The following COL4A3 variants were observed in gnomAD, a reference collection of about 807,000 sequenced individuals.
The protein encoded by COL4A3 is collagen alpha-3(IV) chain.
In COL4A3, 135 loss-of-function variants were observed where a neutral mutation model predicts 217.4. That is an observed-to-expected ratio of 0.62 (90% CI 0.54 to 0.72). The LOEUF is 0.72. COL4A3 is among the 30% of genes least tolerant of loss of function. The pLI is 0.00. For synonymous variants in COL4A3, 690 were observed against 736.3 expected (o/e 0.94, Z 1.02); for missense variants, 1,868 against 2,119.9 (o/e 0.88, Z 2.33).
In COL4A3 at chr2:227,283,829, G is replaced by A; in HGVS notation, c.2719G>A (p.Gly907Arg). Residue 907 changes from glycine to arginine, a missense_variant, in exon 33 of 52, where the codon GGG (glycine) becomes AGG (arginine). This residue lies in a region of COL4A3 where 1,503 missense variants were observed against 1,786.1 expected (regional missense o/e 0.84). Coordinates refer to ENST00000396578, the MANE Select transcript of COL4A3 (RefSeq NM_000091.5). ...AGCCATTGGCCCTCCAGGGCCCCCT[G>A]GGAACCCAGGCACACCAGGGCAGAG... Reference protein sequence around the residue: ...PGAIGPPGPPGNPGTPGQRGS... With the variant: ...PGAIGPPGPPRNPGTPGQRGS... The A allele has an allele frequency of 3.1e-6, 5 of 1,614,096 alleles. No homozygotes were observed. Among genetic ancestry groups the A allele is most frequent in the Non-Finnish European group, 4.2e-6 (5 of 1,179,942 alleles).
In COL4A3 at chr2:227,309,003, C is replaced by G; in HGVS notation, c.4567C>G (p.Leu1523Val). ...FASRNDYSYW[L>V]STPALMPMNM... is the part of the protein sequence containing the mutation. ...ATCTCGAAATGATTATTCATACTGG[C>G]TGTCAACACCAGCTCTGATGCCAAT... The change falls in exon 49 of 52, where the codon CTG (leucine) becomes GTG (valine). Residue 1523 changes from leucine (L) to valine (V), a missense_variant. Physicochemically the swap from Leu to Val is conservative, Grantham distance 32. Coordinates refer to ENST00000396578, the MANE Select transcript of COL4A3 (RefSeq NM_000091.5). 1 of 1,614,176 alleles carries G rather than the reference C, an allele frequency of 6.2e-7. No homozygotes were observed. Among genetic ancestry groups the G allele is most frequent in the Non-Finnish European group, 8.5e-7 (1 of 1,180,016 alleles).
chr2:227,301,009 G>C (rs1574829531), intron 43 of COL4A3, among the ~76,000 whole-genome samples: 1 of 152,136 alleles, frequency 6.6e-6, no homozygotes, highest in Admixed American at 6.5e-5. Flanking sequence ...ACCTTGGGAG[G>C]AGTCTGGAGG....
chr2:227,201,865 G>C (rs933922960), intron 1 of COL4A3, among the ~76,000 whole-genome samples: 3 of 152,136 alleles, frequency 2.0e-5, no homozygotes, highest in Non-Finnish European at 4.4e-5. Context: ...TGAAGCACTG[G>C]TCTAGTTTGC....
chr2:227,192,425 G>T (rs2066278128), intron 1 of COL4A3, among the ~76,000 whole-genome samples: 1 of 82,854 alleles, frequency 1.2e-5, no homozygotes, highest in South Asian at 4.9e-4. Flanking sequence ...CCTGACCAGG[G>T]CAGGATGAAA....
At chr2:227,213,931 A>G (rs2125797874) in intron 1 of COL4A3, among the ~76,000 whole-genome samples, 1 of 151,866 alleles carries the variant, frequency 6.6e-6, no homozygotes, top group South Asian at 2.1e-4. Context: ...AAAAAGAAAA[A>G]GAAAAAACAC....
chr2:227,259,637 C>T, intron 18 of COL4A3, 156 bp from the exon 19 acceptor site: 1 of 619,700 alleles, frequency 1.6e-6, no homozygotes, highest in Non-Finnish European at 2.9e-6. Flanking sequence ...CCTACATTTA[C>T]ATGACTATCA....
intron 43 of COL4A3, chr2:227,302,010 C>T (rs757925985): frequency 4.6e-5 from 7 of 152,224 alleles, no homozygotes; most frequent in South Asian, 2.1e-4. Context: ...ATAGCATTAT[C>T]TCAATTCACA....
intron 1 of COL4A3, among the ~76,000 whole-genome samples, chr2:227,225,647 T>C (rs1415516595): frequency 6.6e-6 from 1 of 151,914 alleles, no homozygotes; most frequent in Non-Finnish European, 1.5e-5. Flanking sequence ...ATTTTTTTTT[T>C]TAATCAAGTA....
At position 227,308,964 on chromosome 2, in the gene COL4A3, G is replaced by T. The variant is rs1322053797; in HGVS notation, c.4528G>T (p.Val1510Leu). 6.2e-7 allele frequency: 1 copy of T among 1,614,068 alleles called. No individual in the cohort carries two copies. The highest frequency in any genetic ancestry group is 1.3e-5 in the African/African-American group (1 of 74,942). The change falls in exon 49 of 52, where the codon GTA becomes TTA. Residue 1510 changes from valine (V) to leucine (L), a missense_variant. Val to Leu is a conservative substitution (Grantham distance 32). Coordinates refer to ENST00000396578, the MANE Select transcript of COL4A3 (RefSeq NM_000091.5). ...MPFLFCNVND[V>L]CNFASRNDYS... ...ATTCTTATTCTGCAATGTCAATGAT[G>T]TATGTAATTTTGCATCTCGAAATGA... is the stretch of plus-strand genomic sequence containing the variant.
At chr2:227,283,172 T>C (rs866995599) in intron 32 of COL4A3, among the ~76,000 whole-genome samples, 1 of 152,246 alleles carries the variant, frequency 6.6e-6, no homozygotes, top group African/African-American at 2.4e-5. Context: ...TTCTGTATAA[T>C]TGTTTTAATT....
chr2:227,287,169 C>T (rs1481852597), intron 34 of COL4A3, among the ~76,000 whole-genome samples: 1 of 152,242 alleles, frequency 6.6e-6, no homozygotes, highest in Non-Finnish European at 1.5e-5. Context: ...CGTGGTGGCT[C>T]ACGCCTGTAA....
intron 1 of COL4A3, among the ~76,000 whole-genome samples, chr2:227,196,034 G>A (rs1458695548): frequency 1.3e-5 from 2 of 152,036 alleles, no homozygotes; most frequent in Non-Finnish European, 2.9e-5. Flanking sequence ...TGTGTTTGTG[G>A]TTTAGGCTGT....
intron 1 of COL4A3, among the ~76,000 whole-genome samples, chr2:227,229,145 G>A (rs1252327550): frequency 6.6e-6 from 1 of 152,174 alleles, no homozygotes; most frequent in Non-Finnish European, 1.5e-5. Context: ...ATGTGCAGGT[G>A]AGACATGGGT....
rs1043901400 is a variant in COL4A3 at position 227,256,665 on chromosome 2, G to C, written c.987+269G>C. The stretch of plus-strand genomic sequence containing the variant: ...AGAGTGCAGCTTCCCATGAGGAAGA[G>C]GTTGAAAAAATCCTACAATTGTAGG... On this transcript the variant is annotated intron_variant, in intron 17 of 51. Coordinates refer to ENST00000396578, the MANE Select transcript of COL4A3 (RefSeq NM_000091.5). 4 of 614,462 alleles carry C rather than the reference G, an allele frequency of 6.5e-6. No individual in the cohort carries two copies. The Admixed American group carries it at 8.9e-5, about 14-fold the overall frequency. 38.1% of individuals were successfully genotyped at this position (614,462 alleles called of 1,614,324 possible). A position where few individuals can be genotyped will look rare whatever the true frequency, so the allele number is the denominator to read the frequency against.
chr2:227,218,192 C>T (rs1559836317), intron 1 of COL4A3, among the ~76,000 whole-genome samples: 1 of 151,368 alleles, frequency 6.6e-6, no homozygotes, highest in African/African-American at 2.4e-5. Context: ...GTGGGCCGGG[C>T]GCAGTGGCTC....
intron 38 of COL4A3, chr2:227,293,997 T>C: frequency 3.2e-6 from 1 of 316,566 alleles, no homozygotes; most frequent in Non-Finnish European, 6.2e-6. Context: ...GACTTCAGCA[T>C]ATGAATTTGG....
rs1211721279 is a variant in COL4A3 at position 227,263,961 on chromosome 2, G to A, written c.1315+17G>A. ...GACCGCCAGGTAAAGATGTGGAAGG[G>A]GACCCCTTTTGTGCACAGTGCCAAA... On this transcript the variant is annotated intron_variant, in intron 21 of 51. Transcript: ENST00000396578. 19 of 1,613,952 alleles carry A rather than the reference G, an allele frequency of 1.2e-5. No individual in the cohort carries two copies. The highest frequency in any genetic ancestry group is 1.7e-5 in the Admixed American group (1 of 60,000).
At position 227,300,893 on chromosome 2, in the gene COL4A3, G is replaced by A. The variant is rs539636092; in HGVS notation, c.3882+2081G>A. 3.3e-3 allele frequency among the ~76,000 whole-genome samples: 496 copies of A among 152,288 alleles called. 2 individuals are homozygous for A. Among genetic ancestry groups the A allele is most frequent in the Non-Finnish European group, 5.4e-3 (368 of 68,030 alleles). ...ATCCAAGAAAATAGGAAAAGCCGGG[G>A]TATGGGTCGGGTGGAGGAAAGGAGC... On this transcript the variant is annotated intron_variant, in intron 43 of 51. Transcript: ENST00000396578.
intron 3 of COL4A3, among the ~76,000 whole-genome samples, chr2:227,241,282 C>T (rs1287142102): frequency 6.6e-6 from 1 of 152,224 alleles, no homozygotes; most frequent in East Asian, 1.9e-4. Flanking sequence ...ATTCCCCTGA[C>T]TACTGACCTC....
Sources: allele counts gnomAD v4.1 joint callset (sites outside exome capture counted in the v4.1 genomes callset), GRCh38; gene constraint gnomAD v4.1.1; regional missense constraint gnomAD v4.1.1; transcripts MANE v1.5; gene names NCBI Gene and HGNC (gene_info 2026-07-23, HGNC 2026-07-21).